ZNF710: variants seen among roughly 807,000 people sequenced by gnomAD.
ZNF710 encodes zinc finger protein 710.
A neutral mutation model predicts 50.6 loss-of-function variants in ZNF710; 13 were observed. The observed-to-expected ratio is 0.26, with a 90% CI of 0.17 to 0.41. ZNF710 has a LOEUF of 0.41. Among genes scored for constraint, ZNF710 ranks in the 10% least tolerant of loss-of-function variants. The pLI is 1.00. For missense variants in ZNF710, 721 were observed against 936.6 expected, an observed-to-expected ratio of 0.77 and a Z score of 3.01; for synonymous variants, 383 against 397.0, an observed-to-expected ratio of 0.96 and a Z score of 0.42.
intron 1 of ZNF710, among the ~76,000 whole-genome samples, chr15:90,047,239 TC>T (rs1348570934): frequency 6.6e-6 from 1 of 152,172 alleles, no homozygotes; most frequent in Non-Finnish European, 1.5e-5. Context: ...GTCCAGCTCC[TC>T]CCGTAACTAA....
chr15:90,029,444 A>G lies in ZNF710; in HGVS notation c.-29+27830A>G, dbSNP rs529622219. Among the ~76,000 whole-genome samples, 3 of 152,308 alleles carry G rather than the reference A, an allele frequency of 2.0e-5. No homozygotes were observed. In the East Asian group the frequency reaches 5.8e-4, roughly 29 times the overall value. On this transcript the variant is annotated intron_variant, in intron 1 of 4. Coordinates refer to ENST00000268154, the MANE Select transcript of ZNF710 (RefSeq NM_198526.4). ...TGAACAAACTCCAACTCAAACGGGA[A>G]TGGATTTTATGTCATTCTGGGACTT...
At chr15:90,031,300 G>C (rs1292917315) in intron 1 of ZNF710, among the ~76,000 whole-genome samples, 1 of 152,180 alleles carries the variant, frequency 6.6e-6, no homozygotes, top group Non-Finnish European at 1.5e-5. Flanking sequence ...TCTCGGGATT[G>C]AAATGTACCC....
At chr15:90,057,739 A>C (rs1899868777) in intron 1 of ZNF710, among the ~76,000 whole-genome samples, 1 of 146,114 alleles carries the variant, frequency 6.8e-6, no homozygotes, top group Non-Finnish European at 1.5e-5. Flanking sequence ...GGAGAATCAG[A>C]ATCACTTAAG....
chr15:90,037,845 G>A (rs1899175821), intron 1 of ZNF710, among the ~76,000 whole-genome samples: 1 of 152,224 alleles, frequency 6.6e-6, no homozygotes, highest in Non-Finnish European at 1.5e-5. Context: ...TAAGCATAGA[G>A]TATTCTAATA....
rs1480923549 is a variant in ZNF710, at chr15:90,080,066, C to T, written c.*237C>T. Reference sequence around the variant, plus strand: ...ATCCCAGCAAGGGAAGGAGAACACGCGAGGCCCAGATCTGGGTCTCCCTGG... The same window carrying T: ...ATCCCAGCAAGGGAAGGAGAACACGTGAGGCCCAGATCTGGGTCTCCCTGG... On this transcript the variant is annotated 3_prime_UTR_variant, in exon 5 of 5. Transcript: ENST00000268154. 4.0e-5 allele frequency: 17 copies of T among 420,598 alleles called. No homozygotes were observed. The highest frequency in any genetic ancestry group is 9.4e-5 in the Admixed American group (2 of 21,298). 26.1% of individuals were successfully genotyped at this position (420,598 alleles called of 1,614,324 possible).
intron 1 of ZNF710, among the ~76,000 whole-genome samples, chr15:90,026,263 C>CAAAAAAAAAAAAAAAAAAAAAAAAAAAA: frequency 9.9e-6 from 1 of 100,560 alleles, no homozygotes; most frequent in Non-Finnish European, 2.0e-5. Flanking sequence ...ACAACAACAA[C>CAAAAAAAAAAAAAAAAAAAAAAAAAAAA]AACAACAAAA....
At chr15:90,028,659 C>A (rs762880511) in intron 1 of ZNF710, among the ~76,000 whole-genome samples, 1 of 152,158 alleles carries the variant, frequency 6.6e-6, no homozygotes, top group Admixed American at 6.5e-5. Context: ...TTGCCTCTTC[C>A]CTTTATCTTC....
chr15:90,008,407 T>G (rs558488129), intron 1 of ZNF710, among the ~76,000 whole-genome samples: 2 of 141,826 alleles, frequency 1.4e-5, no homozygotes, highest in South Asian at 4.2e-4. Flanking sequence ...GTATATAGTA[T>G]ACGTGTGTGT....
chr15:90,061,031 T>C (rs7167755), intron 1 of ZNF710, among the ~76,000 whole-genome samples: 72,381 of 152,072 alleles, frequency 0.48, 20,882 homozygotes, highest in African/African-American at 0.79. Context: ...TCACTGGACC[T>C]TCAGGAAATA....
At chr15:90,063,901 T>G (rs1900087738) in intron 1 of ZNF710, among the ~76,000 whole-genome samples, 1 of 152,216 alleles carries the variant, frequency 6.6e-6, no homozygotes, top group South Asian at 2.1e-4. Context: ...ACTGACATCC[T>G]CATCTCACTG....
intron 1 of ZNF710, among the ~76,000 whole-genome samples, chr15:90,024,420 G>T (rs529144315): frequency 3.5e-4 from 54 of 152,268 alleles, no homozygotes; most frequent in Non-Finnish European, 6.8e-4. Flanking sequence ...ACAGCTGATG[G>T]CCCCCCACCT....
At chr15:90,052,923 ACT>A (rs1252970725) in intron 1 of ZNF710, among the ~76,000 whole-genome samples, 2 of 152,214 alleles carry the variant, frequency 1.3e-5, no homozygotes, top group Admixed American at 6.5e-5. Flanking sequence ...ACAGAGAGAG[ACT>A]CTGCCTCAAA....
At chr15:90,073,338 G>C (rs1383098858) in intron 3 of ZNF710, 76 bp downstream of exon 3, 15 of 1,528,334 alleles carry the variant, frequency 9.8e-6, no homozygotes, top group Middle Eastern at 1.7e-4. Flanking sequence ...AGCAGCTGTG[G>C]CCCACCAAGC....
At chr15:90,064,544 A>G (rs141088918) in intron 1 of ZNF710, among the ~76,000 whole-genome samples, 3,894 of 152,206 alleles carry the variant, frequency 0.026, 161 homozygotes, top group East Asian at 0.15. Flanking sequence ...CTGGAATGCA[A>G]TGGTGCGATC....
chr15:90,048,451 C>A lies in ZNF710; in HGVS notation c.-28-18659C>A, dbSNP rs80251423. ...TCAGCACAGGGAGGAGGGTGACTTGCTTCCTGGCTGTGCACATGTGAGTGC... is the reference window on the plus strand; with the variant it reads ...TCAGCACAGGGAGGAGGGTGACTTGATTCCTGGCTGTGCACATGTGAGTGC... On this transcript the variant is annotated intron_variant, in intron 1 of 4. Transcript: ENST00000268154. 8.3e-3 allele frequency among the ~76,000 whole-genome samples: 1,257 copies of A among 152,344 alleles called. 17 individuals carry two copies. The highest frequency in any genetic ancestry group is 0.029 in the African/African-American group (1,210 of 41,576).
At chr15:89,999,601 G>C (rs1030557056), upstream of ZNF710, among the ~76,000 whole-genome samples, 1 of 152,096 alleles carries the variant, frequency 6.6e-6, no homozygotes, top group East Asian at 1.9e-4. Flanking sequence ...CTCACTCCTC[G>C]TCAGAGACAA....
intron 1 of ZNF710, among the ~76,000 whole-genome samples, chr15:90,006,557 A>G (rs1490074990): frequency 6.6e-6 from 1 of 152,240 alleles, no homozygotes; most frequent in Admixed American, 6.5e-5. Flanking sequence ...TACAGTGGTT[A>G]TAAATGCTTC....
chr15:90,073,347 G>A lies in ZNF710; in HGVS notation c.1650+85G>A. ...GCCTGCAGCAGCTGTGGCCCACCAA[G>A]CGCCAGCCTGGCCAGTGCGGGCAAG... is the stretch of plus-strand genomic sequence containing the variant. On this transcript the variant is annotated intron_variant, in intron 3 of 4. Transcript: ENST00000268154. 4.0e-6 allele frequency: 6 copies of A among 1,508,396 alleles called. 1 individual carries two copies. The South Asian group carries it at 7.4e-5, about 19-fold the overall frequency. 93.4% of individuals were successfully genotyped at this position (1,508,396 alleles called of 1,614,324 possible). A position where few individuals can be genotyped will look rare whatever the true frequency, so the allele number is the denominator to read the frequency against.
At chr15:90,061,979 C>T (rs537624087) in intron 1 of ZNF710, among the ~76,000 whole-genome samples, 6 of 151,884 alleles carry the variant, frequency 4.0e-5, no homozygotes, top group African/African-American at 1.2e-4. Flanking sequence ...CCCCTGCTGG[C>T]CCCCAGACGA....
Sources: gnomAD v4.1 joint callset for allele counts (sites outside exome capture counted in the v4.1 genomes callset) on GRCh38, gnomAD v4.1.1 for gene constraint, MANE v1.5 for transcripts, NCBI Gene and HGNC (gene_info 2026-07-23, HGNC 2026-07-21) for gene names.